Variants in CCDC6 observed in about 807,000 individuals in gnomAD.
CCDC6 encodes the protein coiled-coil domain containing 6, also known as coiled-coil domain-containing protein 6.
In CCDC6, 20 loss-of-function variants were observed where a neutral mutation model predicts 56.6. The ratio of observed to expected loss-of-function variants is 0.35; its 90% CI spans 0.25 to 0.51. The LOEUF is 0.51. CCDC6 is among the 20% of genes least tolerant of loss of function. The pLI, the probability that CCDC6 is intolerant of heterozygous loss-of-function variation, is 0.95. For missense variants in CCDC6, 367 were observed against 601.1 expected (o/e 0.61, Z 4.07); for synonymous variants, 241 against 234.4 (o/e 1.03, Z -0.26).
chr10:59,817,742 T>C (rs1297493168), intron 3 of CCDC6, among the ~76,000 whole-genome samples: 1 of 152,210 alleles, frequency 6.6e-6, no homozygotes, highest in Non-Finnish European at 1.5e-5. Context: ...TAATGAGGCA[T>C]GTGACTCTGA....
At chr10:59,853,930 T>C (rs2071059748) in intron 1 of CCDC6, among the ~76,000 whole-genome samples, 1 of 152,196 alleles carries the variant, frequency 6.6e-6, no homozygotes, top group Non-Finnish European at 1.5e-5. Flanking sequence ...AGCCTAACCA[T>C]CTTTGAAGGA....
rs1024435174 is a variant in CCDC6 at position 59,807,038 on chromosome 10, G to A, written c.888C>T (p.His296=). 1.3e-5 allele frequency: 21 copies of A among 1,613,828 alleles called. No homozygotes were observed. The highest frequency in any genetic ancestry group is 1.7e-5 in the Non-Finnish European group (20 of 1,179,906). Residue 296 remains histidine (H), a synonymous_variant, in exon 6 of 9, where the codon CAC becomes CAT. Transcript: ENST00000263102. ...KMAQYLEEER[H]MREENLRLQR... The stretch of plus-strand genomic sequence containing the variant: ...GGAGCCTCAAGTTCTCTTCTCTCAT[G>A]TGACGTTCCTCCTCCAGATACTGTG...
chr10:59,840,267 C>A (rs572770311), intron 2 of CCDC6, among the ~76,000 whole-genome samples: 1 of 152,194 alleles, frequency 6.6e-6, no homozygotes, highest in East Asian at 1.9e-4. Flanking sequence ...TTAGGTACTA[C>A]CAAATTGTTT....
chr10:59,820,814 T>A (rs2070744088), intron 3 of CCDC6, among the ~76,000 whole-genome samples: 2 of 149,384 alleles, frequency 1.3e-5, no homozygotes, highest in Non-Finnish European at 3.0e-5. Flanking sequence ...GATAGCAGAA[T>A]ACTTTAACAG....
chr10:59,902,718 T>C (rs1424169919), intron 1 of CCDC6, among the ~76,000 whole-genome samples: 1 of 152,148 alleles, frequency 6.6e-6, no homozygotes, highest in African/African-American at 2.4e-5. Flanking sequence ...GCAACTCTTA[T>C]TCACTGTTGG....
intron 1 of CCDC6, among the ~76,000 whole-genome samples, chr10:59,888,818 T>C (rs2071401377): frequency 6.6e-6 from 1 of 152,166 alleles, no homozygotes; most frequent in South Asian, 2.1e-4. Context: ...CACTCTACTT[T>C]AGTATATGCT....
At chr10:59,854,685 A>G (rs774854221) in intron 1 of CCDC6, among the ~76,000 whole-genome samples, 6 of 152,106 alleles carry the variant, frequency 3.9e-5, no homozygotes, top group Non-Finnish European at 8.8e-5. Context: ...CTTTAAATCA[A>G]TCCCCACTTG....
intron 1 of CCDC6, among the ~76,000 whole-genome samples, chr10:59,891,298 G>A (rs557355168): frequency 6.6e-6 from 1 of 152,064 alleles, no homozygotes; most frequent in Non-Finnish European, 1.5e-5. Context: ...GGGAAAATCA[G>A]AAAGCAGTTA....
At chr10:59,875,625 C>G (rs149456538) in intron 1 of CCDC6, among the ~76,000 whole-genome samples, 57 of 152,242 alleles carry the variant, frequency 3.7e-4, no homozygotes, top group African/African-American at 1.3e-3. Context: ...CCTAAGGAAC[C>G]AAAAACTGTT....
chr10:59,845,769 C>T (rs2070986034), intron 2 of CCDC6, among the ~76,000 whole-genome samples: 1 of 152,098 alleles, frequency 6.6e-6, no homozygotes, highest in African/African-American at 2.4e-5. Flanking sequence ...GTATTAAGGG[C>T]CCTGAAAAAC....
intron 1 of CCDC6, among the ~76,000 whole-genome samples, chr10:59,869,150 G>A (rs1372008475): frequency 6.6e-6 from 1 of 151,764 alleles, no homozygotes; most frequent in African/African-American, 2.4e-5. Context: ...ACGCCCTAAT[G>A]ATCTCAGTGT....
intron 1 of CCDC6, among the ~76,000 whole-genome samples, chr10:59,861,195 AT>A (rs1233496257): frequency 1.3e-5 from 2 of 151,986 alleles, no homozygotes; most frequent in African/African-American, 4.8e-5. Flanking sequence ...ATAAAAATAA[AT>A]TTAAAAAAAA....
intron 1 of CCDC6, among the ~76,000 whole-genome samples, chr10:59,877,106 G>T (rs988667888): frequency 6.6e-6 from 1 of 152,304 alleles, no homozygotes; most frequent in African/African-American, 2.4e-5. Flanking sequence ...AGGGACGACT[G>T]TCTTACACAC....
intron 1 of CCDC6, among the ~76,000 whole-genome samples, chr10:59,901,945 C>CAA (rs11445472): frequency 1.8e-4 from 27 of 151,878 alleles, no homozygotes; most frequent in South Asian, 4.1e-4. Flanking sequence ...TCCCCTACTC[C>CAA]AAAAAAAAGA....
intron 3 of CCDC6, among the ~76,000 whole-genome samples, chr10:59,822,007 A>G (rs1365050591): frequency 6.6e-6 from 1 of 152,230 alleles, no homozygotes; most frequent in Non-Finnish European, 1.5e-5. Context: ...ACAGCAATCC[A>G]TTAATATGGT....
In CCDC6 at chr10:59,856,123, G is replaced by A. The variant is rs895640921; in HGVS notation, c.304-3421C>T. Among the ~76,000 whole-genome samples, 3 of 152,122 alleles carry A rather than the reference G, an allele frequency of 2.0e-5. No individual in the cohort carries two copies. In the South Asian group the frequency reaches 6.2e-4, roughly 32 times the overall value. The stretch of plus-strand genomic sequence containing the variant: ...GGCCTAACACAGCTTTAATCACAGG[G>A]CTCCTTTAGCAAAGATTTTGCCAGT... On this transcript the variant is annotated intron_variant, in intron 1 of 8. Transcript: ENST00000263102.
Position 59,832,247 on chromosome 10 carries a change from C to A in CCDC6, c.582+278G>T, listed in dbSNP as rs547653433. 4.6e-5 allele frequency among the ~76,000 whole-genome samples: 7 copies of A among 152,332 alleles called. No homozygotes were observed. In the South Asian group the frequency reaches 1.5e-3, roughly 32 times the overall value. On this transcript the variant is annotated intron_variant, in intron 3 of 8. Transcript: ENST00000263102. ...GGTCAAAAACATTCTTCTCCCTTTG[C>A]TTTGCAAAAAGGAAGCTGACATTTC...
chr10:59,840,260 G>A (rs1014994570), intron 2 of CCDC6, among the ~76,000 whole-genome samples: 2 of 152,076 alleles, frequency 1.3e-5, no homozygotes, highest in Non-Finnish European at 2.9e-5. Context: ...AACTTAATTA[G>A]GTACTACCAA....
At chr10:59,819,874 TTATTCATTGGAGCTGAA>T (rs1397292203) in intron 3 of CCDC6, among the ~76,000 whole-genome samples, 46 of 152,310 alleles carry the variant, frequency 3.0e-4, no homozygotes, top group African/African-American at 1.1e-3. Flanking sequence ...TAGAGCTAAT[TTATTCATTGGAGCTGAA>T]TATTCATTGG....
Sources: gnomAD v4.1 joint callset for allele counts (sites outside exome capture counted in the v4.1 genomes callset) on GRCh38, gnomAD v4.1.1 for gene constraint, MANE v1.5 for transcripts, NCBI Gene and HGNC (gene_info 2026-07-23, HGNC 2026-07-21) for gene names.